Variants in AMPH observed in about 807,000 individuals in gnomAD.
AMPH encodes the protein amphiphysin.
AMPH carries 49 observed loss-of-function variants against 99.1 expected under a neutral mutation model. The ratio of observed to expected loss-of-function variants is 0.49; its 90% CI spans 0.39 to 0.63. The LOEUF is 0.63. AMPH is among the 20% of genes least tolerant of loss of function. The probability of loss-of-function intolerance (pLI) is 0.00; values close to 1 mark genes in which losing one functional copy is unlikely to be tolerated. For synonymous variants in AMPH, 314 were observed against 317.3 expected (o/e 0.99, Z 0.11); for missense variants, 759 against 863.4 (o/e 0.88, Z 1.52).
At chr7:38,630,824 G>A (rs1469499881) in intron 1 of AMPH, among the ~76,000 whole-genome samples, 1 of 152,230 alleles carries the variant, frequency 6.6e-6, no homozygotes, top group East Asian at 1.9e-4. Context: ...CAAGAAGGAA[G>A]GCTGCTGCAA....
chr7:38,440,437 GA>G (rs35310055), intron 11 of AMPH, among the ~76,000 whole-genome samples: 8,728 of 151,668 alleles, frequency 0.058, 641 homozygotes, highest in East Asian at 0.35. Context: ...TCAGGCAAGG[GA>G]AAAATGATAA....
At chr7:38,519,158 CCTTGGA>C (rs1789860495) in intron 2 of AMPH, among the ~76,000 whole-genome samples, 1 of 152,226 alleles carries the variant, frequency 6.6e-6, no homozygotes, top group African/African-American at 2.4e-5. Flanking sequence ...GGCACCACAT[CCTTGGA>C]CTTCCCAGCC....
At position 38,428,322 on chromosome 7, in the gene AMPH, C is replaced by T. The variant is rs75472291; in HGVS notation, c.1183-1336G>A. 3,396 of 456,698 alleles carry T rather than the reference C, an allele frequency of 7.4e-3. 102 individuals carry two copies. The highest frequency in any genetic ancestry group is 0.061 in the African/African-American group (3,071 of 50,170). The allele number at this position is 456,698 out of a possible 1,614,324, so 28.3% of individuals were successfully genotyped here. ...TCTTGGCAAGTTAACAGTATGACTA[C>T]GGTTCTCAGTTACTGTTCTTTCAGA... On this transcript the variant is annotated intron_variant, in intron 14 of 20. Coordinates refer to ENST00000356264, the MANE Select transcript of AMPH (RefSeq NM_001635.4).
chr7:38,543,533 A>T (rs2129043620), intron 1 of AMPH, among the ~76,000 whole-genome samples: 1 of 152,354 alleles, frequency 6.6e-6, no homozygotes, highest in Non-Finnish European at 1.5e-5. Flanking sequence ...GGAAATTTAC[A>T]ATATATCAAG....
At chr7:38,512,243 T>C (rs1390154974) in intron 2 of AMPH, among the ~76,000 whole-genome samples, 1 of 152,204 alleles carries the variant, frequency 6.6e-6, no homozygotes, top group African/African-American at 2.4e-5. Flanking sequence ...TGTTGGGGCT[T>C]ACAAGGTGAC....
intron 11 of AMPH, among the ~76,000 whole-genome samples, chr7:38,438,125 A>C (rs1344847589): frequency 6.6e-6 from 1 of 152,204 alleles, no homozygotes; most frequent in Non-Finnish European, 1.5e-5. Flanking sequence ...AATGTAGTAA[A>C]CATATTATAC....
intron 15 of AMPH, among the ~76,000 whole-genome samples, chr7:38,422,682 G>A (rs902988779): frequency 1.3e-5 from 2 of 151,884 alleles, no homozygotes; most frequent in East Asian, 3.9e-4. Flanking sequence ...GAGTATAGTG[G>A]TATGATCATG....
chr7:38,419,253 C>A (rs374031536), intron 16 of AMPH, among the ~76,000 whole-genome samples: 2 of 152,034 alleles, frequency 1.3e-5, no homozygotes, highest in Non-Finnish European at 2.9e-5. Context: ...CAGAGAAGTG[C>A]TGGAAAAGTT....
chr7:38,496,075 G>A (rs550598391), intron 3 of AMPH, among the ~76,000 whole-genome samples: 1 of 152,264 alleles, frequency 6.6e-6, no homozygotes, highest in Admixed American at 6.5e-5. Flanking sequence ...GGGATAAAAG[G>A]GGGCTGGAAA....
intron 1 of AMPH, among the ~76,000 whole-genome samples, chr7:38,555,449 G>A (rs1246153155): frequency 6.6e-6 from 1 of 152,010 alleles, no homozygotes. Flanking sequence ...AAGCAGTTCT[G>A]AGCTGATGAA....
At chr7:38,493,204 T>C (rs1788796629) in intron 4 of AMPH, among the ~76,000 whole-genome samples, 1 of 152,208 alleles carries the variant, frequency 6.6e-6, no homozygotes, top group Non-Finnish European at 1.5e-5. Context: ...ATTCAGTGCA[T>C]CACCTATCAG....
chr7:38,622,164 A>G (rs1329801523), intron 1 of AMPH, among the ~76,000 whole-genome samples: 1 of 152,186 alleles, frequency 6.6e-6, no homozygotes, highest in Non-Finnish European at 1.5e-5. Context: ...GAATCTTTAC[A>G]TCTTTTGTCC....
chr7:38,527,215 T>C (rs1043612399), intron 2 of AMPH, among the ~76,000 whole-genome samples: 36 of 152,256 alleles, frequency 2.4e-4, no homozygotes, highest in Non-Finnish European at 4.3e-4. Context: ...TTTGTCTTTG[T>C]CATTGTTTTA....
intron 11 of AMPH, among the ~76,000 whole-genome samples, chr7:38,448,614 T>C (rs537539179): frequency 6.6e-6 from 1 of 152,334 alleles, no homozygotes; most frequent in Admixed American, 6.5e-5. Flanking sequence ...CCAAATATCT[T>C]ACTGTTATGT....
rs77069988 is a variant in AMPH at position 38,599,184 on chromosome 7, C to A, written c.69+32099G>T. Among the ~76,000 whole-genome samples, 1,000 of 152,268 alleles carry A rather than the reference C, an allele frequency of 6.6e-3. 7 individuals carry two copies. The highest frequency in any genetic ancestry group is 0.023 in the African/African-American group (958 of 41,542). ...GAGAATGTGGTCTATGTGATTTCTG[C>A]TTTTAGCAATGCAGGGACATGAACT... On this transcript the variant is annotated intron_variant, in intron 1 of 20. Transcript: ENST00000356264.
At chr7:38,386,761 G>C (rs1473019622) in intron 20 of AMPH, among the ~76,000 whole-genome samples, 1 of 152,132 alleles carries the variant, frequency 6.6e-6, no homozygotes, top group East Asian at 1.9e-4. Context: ...ATAAATAATG[G>C]GTAAAACTAT....
At chr7:38,387,406 T>C (rs1332542882) in intron 20 of AMPH, among the ~76,000 whole-genome samples, 1 of 152,148 alleles carries the variant, frequency 6.6e-6, no homozygotes, top group East Asian at 1.9e-4. Context: ...TGAAAGACTA[T>C]AAGTGGGAAA....
chr7:38,456,315 G>C (rs1787231057), intron 11 of AMPH, among the ~76,000 whole-genome samples: 1 of 152,184 alleles, frequency 6.6e-6, no homozygotes. Flanking sequence ...GCAGGGCAGT[G>C]TGGTGCCTCC....
intron 1 of AMPH, among the ~76,000 whole-genome samples, chr7:38,574,210 G>T (rs1792149529): frequency 6.6e-6 from 1 of 152,062 alleles, no homozygotes; most frequent in Non-Finnish European, 1.5e-5. Flanking sequence ...TATTTTCCTT[G>T]ACATCACATA....
Sources: gnomAD v4.1 joint callset for allele counts (sites outside exome capture counted in the v4.1 genomes callset) on GRCh38, gnomAD v4.1.1 for gene constraint, MANE v1.5 for transcripts, NCBI Gene and HGNC (gene_info 2026-07-23, HGNC 2026-07-21) for gene names.